The following MTMR14 variants were observed in gnomAD, a reference collection of about 807,000 sequenced individuals.
MTMR14 encodes phosphatidylinositol-3,5-bisphosphate 3-phosphatase MTMR14.
Under a neutral mutation model 86.3 loss-of-function variants are expected in MTMR14, and 48 were observed. The observed-to-expected ratio is 0.56, with a 90% CI of 0.44 to 0.71. The LOEUF is 0.71. MTMR14 is among the 30% of genes least tolerant of loss of function. MTMR14 has a pLI of 0.00. For missense variants in MTMR14, 780 were observed against 834.6 expected (o/e 0.93, Z 0.81); for synonymous variants, 366 against 326.1 (o/e 1.12, Z -1.32).
At chr3:9,678,165 C>A in intron 9 of MTMR14, 107 bp downstream of exon 9, 6 of 1,101,188 alleles carry the variant, frequency 5.4e-6, no homozygotes, top group South Asian at 1.4e-5. Context: ...GATGGGCTGG[C>A]TTGTGCACTC....
chr3:9,690,486 A>G (rs1321173540), intron 17 of MTMR14, among the ~76,000 whole-genome samples: 1 of 152,198 alleles, frequency 6.6e-6, no homozygotes, highest in African/African-American at 2.4e-5. Context: ...ATAGATCTAG[A>G]TTCTGAGTCC....
chr3:9,665,626 T>C (rs1193664271), intron 3 of MTMR14, among the ~76,000 whole-genome samples: 2 of 152,196 alleles, frequency 1.3e-5, no homozygotes, highest in African/African-American at 4.8e-5. Context: ...GAATCTAATG[T>C]TTAAGAAAAA....
At chr3:9,684,768 G>T in intron 11 of MTMR14, 98 bp downstream of exon 11, 1 of 1,549,312 alleles carries the variant, frequency 6.5e-7, no homozygotes. Context: ...GCTCAGAGCA[G>T]ATGTGTTTAA....
chr3:9,652,362 G>C (rs1225352143), intron 1 of MTMR14, among the ~76,000 whole-genome samples: 1 of 152,176 alleles, frequency 6.6e-6, no homozygotes, highest in Non-Finnish European at 1.5e-5. Context: ...AGGGGGAGCT[G>C]TTTCTTCTAT....
chr3:9,695,300 C>T (rs1029932967), intron 17 of MTMR14, among the ~76,000 whole-genome samples: 1 of 152,188 alleles, frequency 6.6e-6, no homozygotes, highest in African/African-American at 2.4e-5. Context: ...CTCTCAACCC[C>T]AGGAGCTGAA....
At chr3:9,693,190 C>G (rs1054318592) in intron 17 of MTMR14, among the ~76,000 whole-genome samples, 3 of 152,198 alleles carry the variant, frequency 2.0e-5, no homozygotes, top group African/African-American at 4.8e-5. Context: ...GTTTCCACAT[C>G]CATGATCAGC....
Position 9,697,836 on chromosome 3 carries a change from G to C in MTMR14, c.1739G>C (p.Ser580Thr), listed in dbSNP as rs753242905. ...VLHTDSSLPF[S>T]FPDELPNSCL... Reference sequence around the variant, plus strand: ...CACACAGACTCCTCTCTCCCTTTCAGCTTCCCGGATGAGCTCCCTAACAGT... The same window carrying C: ...CACACAGACTCCTCTCTCCCTTTCACCTTCCCGGATGAGCTCCCTAACAGT... The change falls in exon 18 of 19, where the codon AGC becomes ACC. Residue 580 changes from serine (S) to threonine (T), a missense_variant. By Grantham distance (58) the Ser-to-Thr change is moderately conservative. Transcript: ENST00000296003. The C allele has an allele frequency of 1.2e-6, 2 of 1,614,196 alleles. No homozygotes were observed. The highest frequency in any genetic ancestry group is 1.7e-6 in the Non-Finnish European group (2 of 1,180,052).
At chr3:9,667,083 T>A (rs148974135) in intron 3 of MTMR14, among the ~76,000 whole-genome samples, 6 of 152,120 alleles carry the variant, frequency 3.9e-5, no homozygotes, top group Non-Finnish European at 7.3e-5. Flanking sequence ...GGAAGAATAA[T>A]TGGGAACAGA....
At position 9,683,232 on chromosome 3, in the gene MTMR14, G is replaced by T; in HGVS notation, c.952G>T (p.Val318Phe). ...CTACCTGAAGCTGCTGCTTTCCTTA[G>T]TTAACAGTGATGGTGAGTCTGTCTC... ...QNYLKLLLSL[V>F]NSDDDSGLLV... Residue 318 changes from valine to phenylalanine, a missense_variant, in exon 10 of 19, where the codon GTT becomes TTT. Coordinates refer to ENST00000296003, the MANE Select transcript of MTMR14 (RefSeq NM_001077525.3). 6.2e-7 allele frequency: 1 copy of T among 1,614,174 alleles called. No individual in the cohort carries two copies. The highest frequency in any genetic ancestry group is 1.1e-5 in the South Asian group (1 of 91,086).
At chr3:9,686,494 C>G (rs949334230) in intron 13 of MTMR14, among the ~76,000 whole-genome samples, 3 of 152,186 alleles carry the variant, frequency 2.0e-5, no homozygotes, top group African/African-American at 4.8e-5. Context: ...TTACCCCCCC[C>G]AGACAATCCA....
At chr3:9,672,295 G>A (rs2048608116) in intron 6 of MTMR14, among the ~76,000 whole-genome samples, 2 of 152,268 alleles carry the variant, frequency 1.3e-5, no homozygotes, top group Middle Eastern at 3.4e-3. Flanking sequence ...CTGGAGTGCA[G>A]TGGCACAATC....
chr3:9,702,046 G>T lies in MTMR14; in HGVS notation c.*73G>T. 6 of 1,587,318 alleles carry T rather than the reference G, an allele frequency of 3.8e-6. No homozygotes were observed. The South Asian group carries it at 6.6e-5, about 18-fold the overall frequency. ...TAGCAGAGAATCAAAGCCATGCCTG[G>T]CCGAAGGGGTACTTCCAGGTCAGGG... is the stretch of plus-strand genomic sequence containing the variant. On this transcript the variant is annotated 3_prime_UTR_variant, in exon 19 of 19. Transcript: ENST00000296003.
intron 3 of MTMR14, among the ~76,000 whole-genome samples, chr3:9,668,479 C>A (rs890058205): frequency 6.6e-6 from 1 of 152,214 alleles, no homozygotes; most frequent in Non-Finnish European, 1.5e-5. Context: ...CAATCTGATC[C>A]GATCCTGTTG....
At chr3:9,660,115 A>G (rs1343250540) in intron 2 of MTMR14, among the ~76,000 whole-genome samples, 2 of 152,124 alleles carry the variant, frequency 1.3e-5, no homozygotes, top group Non-Finnish European at 2.9e-5. Context: ...ATTCTTGTGG[A>G]GTCTAGTTAG....
intron 2 of MTMR14, among the ~76,000 whole-genome samples, chr3:9,660,406 G>A (rs577872604): frequency 3.3e-5 from 5 of 151,990 alleles, no homozygotes; most frequent in African/African-American, 7.3e-5. Context: ...TTACAGGCAC[G>A]CGCCACCACG....
intron 18 of MTMR14, chr3:9,700,045 C>G (rs2076404789): frequency 6.6e-6 from 1 of 152,326 alleles, no homozygotes. Flanking sequence ...TGCCCCAGAG[C>G]CTACTGCTTC....
intron 17 of MTMR14, among the ~76,000 whole-genome samples, chr3:9,690,459 C>T (rs575437779): frequency 5.1e-4 from 77 of 152,342 alleles, no homozygotes; most frequent in African/African-American, 1.8e-3. Flanking sequence ...GGCGCACCTC[C>T]CATTGTGATT....
intron 13 of MTMR14, 68 bp downstream of exon 13, chr3:9,685,315 T>G: frequency 1.3e-6 from 2 of 1,591,156 alleles, no homozygotes; most frequent in Non-Finnish European, 1.7e-6. Flanking sequence ...GTAGCCTGTC[T>G]GAGTTCCACG....
chr3:9,649,849 T>C, intron 1 of MTMR14, 107 bp downstream of exon 1: 1 of 1,555,970 alleles, frequency 6.4e-7, no homozygotes, highest in Non-Finnish European at 8.7e-7. Flanking sequence ...ACCTCGCCGC[T>C]GAGGAAGAGG....
Sources: allele counts gnomAD v4.1 joint callset (sites outside exome capture counted in the v4.1 genomes callset), GRCh38; gene constraint gnomAD v4.1.1; transcripts MANE v1.5; gene names NCBI Gene and HGNC (gene_info 2026-07-23, HGNC 2026-07-21).